The following EPHA6 variants were observed in gnomAD, a reference collection of about 807,000 sequenced individuals.
The protein encoded by EPHA6 is EPH receptor A6.
In EPHA6, 50 loss-of-function variants were observed where a neutral mutation model predicts 112.0. The observed-to-expected ratio is 0.45, with a 90% CI of 0.36 to 0.56. EPHA6 has a LOEUF of 0.56. Among genes scored for constraint, EPHA6 ranks in the 20% least tolerant of loss-of-function variants. The pLI is 0.00. For missense variants in EPHA6, 1,280 were observed against 1,417.4 expected, an observed-to-expected ratio of 0.90 and a Z score of 1.56; for synonymous variants, 529 against 490.7, an observed-to-expected ratio of 1.08 and a Z score of -1.03.
intron 3 of EPHA6, among the ~76,000 whole-genome samples, chr3:97,110,513 AT>A (rs1326626226): frequency 2.0e-5 from 3 of 151,662 alleles, no homozygotes; most frequent in Admixed American, 2.0e-4. Context: ...TAACTCCTTC[AT>A]TTTATTATAT....
intron 4 of EPHA6, among the ~76,000 whole-genome samples, chr3:97,235,577 C>T (rs1387955954): frequency 1.3e-5 from 2 of 152,134 alleles, no homozygotes; most frequent in Admixed American, 6.6e-5. Context: ...TAGCAACTCT[C>T]CTTCCTTTAG....
intron 2 of EPHA6, among the ~76,000 whole-genome samples, chr3:96,945,400 T>C (rs9869278): frequency 0.22 from 33,752 of 152,068 alleles, 6,596 homozygotes; most frequent in African/African-American, 0.5. Context: ...CAAATTCCAT[T>C]ATCAGCTGAC....
intron 13 of EPHA6, among the ~76,000 whole-genome samples, chr3:97,624,992 A>G (rs1299902436): frequency 6.6e-6 from 1 of 151,456 alleles, no homozygotes; most frequent in East Asian, 1.9e-4. Flanking sequence ...CTTTTGGAAG[A>G]ACCAACTTTT....
At chr3:97,562,752 TGAAA>T (rs1282578668) in intron 11 of EPHA6, among the ~76,000 whole-genome samples, 1 of 152,108 alleles carries the variant, frequency 6.6e-6, no homozygotes, top group Non-Finnish European at 1.5e-5. Flanking sequence ...AAATCTGTCA[TGAAA>T]GGAAGAGTCA....
chr3:96,982,839 T>A (rs1231337538), intron 2 of EPHA6, among the ~76,000 whole-genome samples: 3 of 152,242 alleles, frequency 2.0e-5, no homozygotes, highest in South Asian at 2.1e-4. Context: ...GATCTTTGTT[T>A]GTTTAAAGTC....
chr3:96,867,445 A>T (rs76572630), intron 2 of EPHA6, among the ~76,000 whole-genome samples: 2,756 of 151,860 alleles, frequency 0.018, 73 homozygotes, highest in African/African-American at 0.05. Flanking sequence ...TCATGGACCA[A>T]CATTTTAGCT....
At chr3:97,429,996 C>A (rs561470540) in intron 6 of EPHA6, among the ~76,000 whole-genome samples, 1 of 152,160 alleles carries the variant, frequency 6.6e-6, no homozygotes, top group Non-Finnish European at 1.5e-5. Context: ...CTAAGCCAGA[C>A]AAGCTTCCAA....
intron 3 of EPHA6, among the ~76,000 whole-genome samples, chr3:97,082,195 T>C (rs2046743060): frequency 6.6e-6 from 1 of 151,896 alleles, no homozygotes; most frequent in African/African-American, 2.4e-5. Flanking sequence ...AAAATCTCTT[T>C]TGCAGTTATG....
chr3:97,410,395 T>C (rs1012754571), intron 6 of EPHA6, among the ~76,000 whole-genome samples: 9 of 152,064 alleles, frequency 5.9e-5, no homozygotes, highest in African/African-American at 2.2e-4. Context: ...CATTTTCTTT[T>C]GTTGTATTTC....
At position 97,071,951 on chromosome 3, in the gene EPHA6, T is replaced by A. The variant is rs142583251; in HGVS notation, c.1114+83958T>A. Among the ~76,000 whole-genome samples, 236 of 152,182 alleles carry A rather than the reference T, an allele frequency of 1.6e-3. 1 individual carries two copies. Among genetic ancestry groups the A allele is most frequent in the African/African-American group, 5.3e-3 (220 of 41,532 alleles). On this transcript the variant is annotated intron_variant, in intron 3 of 17. Transcript: ENST00000389672. ...ACCCTCATAGCTTAGTTCCTACTTA[T>A]GAGTAAGAATATATGGTGTTTGGTT...
intron 2 of EPHA6, among the ~76,000 whole-genome samples, chr3:96,926,946 G>T (rs530614066): frequency 1.2e-4 from 19 of 152,298 alleles, no homozygotes; most frequent in Admixed American, 2.0e-4. Context: ...CTCTGTGTGG[G>T]GGCGTCAACC....
intron 4 of EPHA6, among the ~76,000 whole-genome samples, chr3:97,229,581 A>G (rs1170420664): frequency 1.3e-5 from 2 of 152,170 alleles, no homozygotes; most frequent in African/African-American, 4.8e-5. Context: ...AATTGGTACC[A>G]AAATTTTGCT....
intron 14 of EPHA6, among the ~76,000 whole-genome samples, chr3:97,662,043 T>C (rs1465959024): frequency 6.6e-6 from 1 of 152,160 alleles, no homozygotes; most frequent in Admixed American, 6.6e-5. Flanking sequence ...AACTATCTGA[T>C]AGGGCTTCCT....
chr3:97,722,486 A>G (rs2034573236), intron 15 of EPHA6, among the ~76,000 whole-genome samples: 1 of 152,106 alleles, frequency 6.6e-6, no homozygotes, highest in South Asian at 2.1e-4. Context: ...ATTCCAATAA[A>G]CTTCTAGACT....
chr3:97,397,963 T>G (rs2086786875), intron 5 of EPHA6, among the ~76,000 whole-genome samples: 1 of 151,512 alleles, frequency 6.6e-6, no homozygotes, highest in Admixed American at 6.6e-5. Flanking sequence ...TTTAGGACAT[T>G]TGGACCATGA....
intron 5 of EPHA6, among the ~76,000 whole-genome samples, chr3:97,278,726 AAGATC>A (rs1234456461): frequency 6.6e-6 from 1 of 152,208 alleles, no homozygotes; most frequent in Non-Finnish European, 1.5e-5. Flanking sequence ...ATAACAGAGT[AAGATC>A]AGCTCCTGTA....
chr3:97,454,644 G>A (rs939045337), intron 7 of EPHA6, among the ~76,000 whole-genome samples: 3 of 151,720 alleles, frequency 2.0e-5, no homozygotes, highest in Non-Finnish European at 3.0e-5. Context: ...AAATTTGGGG[G>A]CACATTTTAG....
At chr3:97,614,765 A>G (rs2093751801) in intron 13 of EPHA6, among the ~76,000 whole-genome samples, 1 of 152,138 alleles carries the variant, frequency 6.6e-6, no homozygotes, top group Non-Finnish European at 1.5e-5. Flanking sequence ...TTAATTAAGT[A>G]AGGAAATCAG....
intron 2 of EPHA6, among the ~76,000 whole-genome samples, chr3:96,925,605 G>GT (rs34393123): frequency 0.2 from 27,451 of 136,454 alleles, 4,440 homozygotes; most frequent in African/African-American, 0.42. Context: ...TTGATTTGCT[G>GT]TTTTTTTTTT....
Sources: allele counts gnomAD v4.1 joint callset (sites outside exome capture counted in the v4.1 genomes callset), GRCh38; gene constraint gnomAD v4.1.1; transcripts MANE v1.5; gene names NCBI Gene and HGNC (gene_info 2026-07-23, HGNC 2026-07-21).